Variants in ST7L observed in about 807,000 individuals in gnomAD.
The protein encoded by ST7L is suppression of tumorigenicity 7 like, also known as suppressor of tumorigenicity 7 protein-like.
In ST7L, 57 loss-of-function variants were observed where a neutral mutation model predicts 72.5. The ratio of observed to expected loss-of-function variants is 0.79; its 90% CI spans 0.64 to 0.98. ST7L has a LOEUF of 0.98. ST7L is among the 50% of genes least tolerant of loss of function. The pLI, the probability that ST7L is intolerant of heterozygous loss-of-function variation, is 0.00. For synonymous variants in ST7L, 221 were observed against 240.9 expected, an observed-to-expected ratio of 0.92 and a Z score of 0.77; for missense variants, 576 against 672.2, an observed-to-expected ratio of 0.86 and a Z score of 1.58.
At chr1:112,598,182 C>A in intron 4 of ST7L, 96 bp from the exon 5 acceptor site, 4 of 714,028 alleles carry the variant, frequency 5.6e-6, no homozygotes, top group East Asian at 5.6e-5. Flanking sequence ...TACTGCTACA[C>A]ATTTGGATGT....
chr1:112,546,551 G>T (rs1277403975), intron 13 of ST7L, among the ~76,000 whole-genome samples: 1 of 152,058 alleles, frequency 6.6e-6, no homozygotes, highest in Non-Finnish European at 1.5e-5. Flanking sequence ...ATGGGGCTGG[G>T]GATGAAGGAA....
At chr1:112,561,958 T>C (rs1299975674) in intron 11 of ST7L, among the ~76,000 whole-genome samples, 1 of 148,984 alleles carries the variant, frequency 6.7e-6, no homozygotes, top group Non-Finnish European at 1.5e-5. Flanking sequence ...ATGATGCTTC[T>C]AAAACTTTAC....
chr1:112,588,034 A>C (rs944156528), intron 6 of ST7L, among the ~76,000 whole-genome samples: 1 of 152,134 alleles, frequency 6.6e-6, no homozygotes, highest in Admixed American at 6.6e-5. Flanking sequence ...ATTTATTCCT[A>C]AGTATTTAAA....
Position 112,584,010 on chromosome 1 carries a change from T to A in ST7L, c.818A>T (p.Gln273Leu). The change falls in exon 7 of 15, where the codon CAG becomes CTG. Residue 273 changes from glutamine to leucine, a missense_variant. Transcript: ENST00000358039. ...ATGCTGAGGACTTTGGTGCTGGCAC[T>A]GCTGTGACTGCCTATAAATTGTTTC... Reference protein sequence around the residue: ...AGETIYRQSQQCQHQSPQHEA... With the variant: ...AGETIYRQSQLCQHQSPQHEA... The A allele has an allele frequency of 6.2e-7, 1 of 1,614,212 alleles. No homozygotes were observed. The highest frequency in any genetic ancestry group is 8.5e-7 in the Non-Finnish European group (1 of 1,180,024).
chr1:112,573,323 G>A (rs1318979828), intron 11 of ST7L, among the ~76,000 whole-genome samples: 2 of 94,380 alleles, frequency 2.1e-5, no homozygotes, highest in East Asian at 7.0e-4. Context: ...ACTCCAGCCC[G>A]GGCAGCAAGA....
chr1:112,526,617 T>C (rs895184248), intron 14 of ST7L: 1 of 152,752 alleles, frequency 6.5e-6, no homozygotes, highest in African/African-American at 2.4e-5. Flanking sequence ...GGCGGGCGCC[T>C]GTAGTCCCAG....
At chr1:112,568,822 C>G (rs1418422500) in intron 11 of ST7L, among the ~76,000 whole-genome samples, 1 of 139,378 alleles carries the variant, frequency 7.2e-6, no homozygotes, top group African/African-American at 2.7e-5. Context: ...CGAGCCCGGG[C>G]AACATAGGGA....
At chr1:112,547,649 G>A (rs1361288208) in intron 13 of ST7L, among the ~76,000 whole-genome samples, 2 of 121,874 alleles carry the variant, frequency 1.6e-5, no homozygotes, top group African/African-American at 3.1e-5. Flanking sequence ...TGCAACCTCC[G>A]CCTCCCAGGT....
chr1:112,555,785 A>C (rs987785521), intron 12 of ST7L, 83 bp downstream of exon 12: 1 of 1,285,548 alleles, frequency 7.8e-7, no homozygotes, highest in Admixed American at 2.6e-5. Context: ...ATGGAAACCC[A>C]GACAATCTCA....
At chr1:112,518,090 C>T in the ST7L span, 5 of 152,180 alleles carry the variant, frequency 3.3e-5, no homozygotes, top group Non-Finnish European at 1.5e-5. Context: ...GAAAAAGAAA[C>T]GAAGAAGAGA....
chr1:112,543,407 G>A (rs1454019157), intron 13 of ST7L, among the ~76,000 whole-genome samples: 3 of 152,108 alleles, frequency 2.0e-5, no homozygotes, highest in Non-Finnish European at 2.9e-5. Flanking sequence ...AATTAGGTGG[G>A]CGTGGTGACA....
chr1:112,611,024 C>G (rs1312620996), intron 2 of ST7L, 21 bp from the exon 3 acceptor site: 1 of 1,611,412 alleles, frequency 6.2e-7, no homozygotes, highest in East Asian at 2.2e-5. Flanking sequence ...CAGAAAATAT[C>G]CTGCACTTAG....
chr1:112,579,462 A>G (rs999953502), intron 9 of ST7L, among the ~76,000 whole-genome samples: 3 of 151,700 alleles, frequency 2.0e-5, no homozygotes, highest in Admixed American at 6.6e-5. Flanking sequence ...AATTAGAACT[A>G]TGTAAAACCT....
intron 9 of ST7L, 119 bp from the exon 10 acceptor site, chr1:112,578,536 G>A (rs1663522021): frequency 1.2e-6 from 1 of 847,126 alleles, no homozygotes; most frequent in Admixed American, 1.9e-5. Flanking sequence ...AGCACTTAGG[G>A]AGGCTGAGGC....
upstream of ST7L, chr1:112,619,172 C>A: frequency 6.5e-7 from 1 of 1,545,274 alleles, no homozygotes. Context: ...AACCGGGAGT[C>A]GGGAATCCTG....
intron 5 of ST7L, 30 bp downstream of exon 5, chr1:112,597,941 G>A: frequency 6.5e-7 from 1 of 1,527,480 alleles, no homozygotes; most frequent in Non-Finnish European, 9.0e-7. Context: ...CATGATCACT[G>A]TTTATACTAT....
At chr1:112,520,077 TC>T (rs1652782834), downstream of ST7L, among the ~76,000 whole-genome samples, 3 of 150,880 alleles carry the variant, frequency 2.0e-5, no homozygotes, top group South Asian at 6.3e-4. Flanking sequence ...TTGCTATGTT[TC>T]CCAGGCTGGT....
At chr1:112,605,528 T>C (rs1668099969) in intron 3 of ST7L, among the ~76,000 whole-genome samples, 1 of 148,176 alleles carries the variant, frequency 6.7e-6, no homozygotes, top group African/African-American at 2.5e-5. Context: ...CCGTCTCTAC[T>C]AAAAATACAA....
Position 112,524,003 on chromosome 1 carries a change from A to AAAAAAC in ST7L, c.*2009_*2010insGTTTTT, listed in dbSNP as rs1653037229. ...TAAAATCAGGGGCTTCAGATTAAAA[A>AAAAAAC]AAAAAACAAAAAACAAAAAACAAAA... On this transcript the variant is annotated 3_prime_UTR_variant, in exon 15 of 15. Coordinates refer to ENST00000358039, the MANE Select transcript of ST7L (RefSeq NM_017744.5). The AAAAAAC allele has an allele frequency of 6.6e-6, 1 of 152,048 alleles. No homozygotes were observed. The highest frequency in any genetic ancestry group is 1.5e-5 in the Non-Finnish European group (1 of 68,024). The allele number at this position is 152,048 out of a possible 1,614,324, so 9.4% of individuals were successfully genotyped here. A position where few individuals can be genotyped will look rare whatever the true frequency, so the allele number is the denominator to read the frequency against.
Sources: allele counts gnomAD v4.1 joint callset (sites outside exome capture counted in the v4.1 genomes callset), GRCh38; gene constraint gnomAD v4.1.1; transcripts MANE v1.5; gene names NCBI Gene and HGNC (gene_info 2026-07-23, HGNC 2026-07-21).